Variants in PCDHGB6 observed in about 807,000 individuals in gnomAD.
PCDHGB6 encodes the protein protocadherin gamma-B6.
PCDHGB6 carries 51 observed loss-of-function variants against 59.1 expected under a neutral mutation model. The ratio of observed to expected loss-of-function variants is 0.86; its 90% CI spans 0.69 to 1.09. The LOEUF (loss-of-function observed/expected upper bound fraction) is 1.09. Among genes scored for constraint, PCDHGB6 ranks in the 50% least tolerant of loss-of-function variants. The probability of loss-of-function intolerance (pLI) is 0.00; values close to 1 mark genes in which losing one functional copy is unlikely to be tolerated. For missense variants in PCDHGB6, 1,148 were observed against 1,205.1 expected (o/e 0.95, Z 0.70); for synonymous variants, 466 against 495.1 (o/e 0.94, Z 0.78).
In PCDHGB6 at chr5:141,485,433, A is replaced by G. The variant is rs2099613324; in HGVS notation, c.2419-9374A>G. On this transcript the variant is annotated intron_variant, in intron 1 of 3. Transcript: ENST00000520790. The surrounding 1 kb of genome is among the most constrained non-coding windows in gnomAD (Gnocchi z 5.7). The stretch of plus-strand genomic sequence containing the variant: ...TTGGACAGCGGAGCCCTGCTCATCA[A>G]GAACCCAATCGACCGAGAGGCACTG... 6 of 1,614,208 alleles carry G rather than the reference A, an allele frequency of 3.7e-6. No homozygotes were observed. Among genetic ancestry groups the G allele is most frequent in the Non-Finnish European group, 5.1e-6 (6 of 1,180,030 alleles).
intron 1 of PCDHGB6, chr5:141,415,110 C>A: frequency 6.2e-7 from 1 of 1,613,666 alleles, no homozygotes; most frequent in Middle Eastern, 1.7e-4. Flanking sequence ...TCAAGCAAAG[C>A]CTCGTAGTGG....
intron 1 of PCDHGB6, chr5:141,420,078 C>T (rs764695314): frequency 6.2e-7 from 1 of 1,614,008 alleles, no homozygotes; most frequent in Non-Finnish European, 8.5e-7. Context: ...CCTGTGGGTC[C>T]CCCCAACTAC....
In PCDHGB6 at chr5:141,510,989, C is replaced by A. The variant is rs2099883548; in HGVS notation, c.2609C>A (p.Thr870Asn). The A allele has an allele frequency of 1.2e-6, 2 of 1,614,198 alleles. No homozygotes were observed. The highest frequency in any genetic ancestry group is 1.7e-6 in the Non-Finnish European group (2 of 1,180,022). ...TCCACCCTGGGAGGGGGTGCCGGCA[C>A]CATGGGATTGAGCGCCCGCTACGGA... is the stretch of plus-strand genomic sequence containing the variant. ...GSSTLGGGAG[T>N]MGLSARYGPQ... Residue 870 changes from threonine to asparagine, a missense_variant, in exon 4 of 4, where the codon ACC becomes AAC. Thr to Asn is a moderately conservative substitution (Grantham distance 65, BLOSUM62 0). Transcript: ENST00000520790.
At chr5:141,478,832 G>A in intron 1 of PCDHGB6, 1 of 1,435,464 alleles carries the variant, frequency 7.0e-7, no homozygotes, top group South Asian at 1.5e-5. Context: ...TCTTGCTAAG[G>A]GATGGTTAAG....
chr5:141,428,201 CT>C (rs1332694675), intron 1 of PCDHGB6: 1 of 1,349,696 alleles, frequency 7.4e-7, no homozygotes, highest in South Asian at 1.2e-5. Context: ...CTCTGCGCCG[CT>C]ACGCTTCACC....
rs779725312 is a variant in PCDHGB6, at chr5:141,409,248, T to A, written c.1046T>A (p.Ile349Asn). 1.9e-6 allele frequency: 3 copies of A among 1,614,032 alleles called. No individual in the cohort carries two copies. The highest frequency in any genetic ancestry group is 2.2e-5 in the South Asian group (2 of 91,086). Residue 349 changes from isoleucine (I) to asparagine (N), a missense_variant, in exon 1 of 4, where the codon ATC becomes AAC. This residue lies in a region of PCDHGB6 where 549 missense variants were observed against 527.5 expected (regional missense o/e 1.04). Coordinates refer to ENST00000520790, the MANE Select transcript of PCDHGB6 (RefSeq NM_018926.3). Reference sequence around the variant, plus strand: ...AACGACAACAGCCCAGAAATAATCATCACTTCTCTCTCTGATCAGATTTTG... The same window carrying A: ...AACGACAACAGCCCAGAAATAATCAACACTTCTCTCTCTGATCAGATTTTG... Reference protein sequence around the residue: ...DENDNSPEIIITSLSDQILEN... With the variant: ...DENDNSPEIINTSLSDQILEN...
intron 1 of PCDHGB6, among the ~76,000 whole-genome samples, chr5:141,482,048 G>A (rs375214441): frequency 1.3e-5 from 2 of 150,044 alleles, no homozygotes; most frequent in Non-Finnish European, 2.9e-5. Flanking sequence ...TCATGCTGTT[G>A]CATTCCAGCC....
At chr5:141,450,147 C>T (rs1322871298) in intron 1 of PCDHGB6, among the ~76,000 whole-genome samples, 2 of 151,774 alleles carry the variant, frequency 1.3e-5, no homozygotes, top group African/African-American at 4.8e-5. Context: ...GCTGGGACTA[C>T]AGGCATGTGC....
At chr5:141,430,206 TTATTA>T (rs1267858049) in intron 1 of PCDHGB6, among the ~76,000 whole-genome samples, 2 of 151,984 alleles carry the variant, frequency 1.3e-5, no homozygotes, top group African/African-American at 4.8e-5. Flanking sequence ...AAAGTTTAAA[TTATTA>T]TATTATATGA....
At chr5:141,412,264 CT>C (rs765219351) in intron 1 of PCDHGB6, 4 of 152,206 alleles carry the variant, frequency 2.6e-5, no homozygotes, top group Non-Finnish European at 4.4e-5. Context: ...TTTTCTAAAA[CT>C]TTTAGTACTT....
intron 2 of PCDHGB6, among the ~76,000 whole-genome samples, chr5:141,503,222 G>A (rs540244346): frequency 2.2e-4 from 34 of 152,120 alleles, no homozygotes; most frequent in African/African-American, 7.7e-4. Context: ...CATGAGCACC[G>A]TAAAGATGGA....
At chr5:141,463,412 A>G (rs1397215687) in intron 1 of PCDHGB6, among the ~76,000 whole-genome samples, 9 of 127,856 alleles carry the variant, frequency 7.0e-5, no homozygotes, top group Non-Finnish European at 1.5e-4. Flanking sequence ...TGGAGATCCT[A>G]GTTTGCGGAT....
intron 1 of PCDHGB6, among the ~76,000 whole-genome samples, chr5:141,439,595 G>A (rs752771969): frequency 3.9e-5 from 6 of 152,192 alleles, no homozygotes; most frequent in Non-Finnish European, 5.9e-5. Flanking sequence ...CTGTTGGCCA[G>A]TCTGGAAACA....
At chr5:141,422,611 A>C in intron 1 of PCDHGB6, 3 of 1,613,762 alleles carry the variant, frequency 1.9e-6, no homozygotes, top group Non-Finnish European at 2.5e-6. Flanking sequence ...CTCTGCCTAC[A>C]TTCCCGAAAA....
At chr5:141,499,397 T>A (rs1171838687) in intron 2 of PCDHGB6, among the ~76,000 whole-genome samples, 2 of 152,122 alleles carry the variant, frequency 1.3e-5, no homozygotes, top group African/African-American at 4.8e-5. Flanking sequence ...AAATAGTACA[T>A]GCTCATTATA....
Position 141,487,532 on chromosome 5 carries a change from A to C in PCDHGB6, c.2419-7275A>C. 6.2e-7 allele frequency: 1 copy of C among 1,614,158 alleles called. No homozygotes were observed. Among genetic ancestry groups the C allele is most frequent in the Non-Finnish European group, 8.5e-7 (1 of 1,180,022 alleles). On this transcript the variant is annotated intron_variant, in intron 1 of 3. Transcript: ENST00000520790. This position sits in a 1 kb window ranked among gnomAD's most constrained non-coding sequence, Gnocchi z 5.0. Reference sequence around the variant, plus strand: ...ACCCACTCGGAGTGATAGCTTCATGATGGTGAAGTCACCCAGTGCACCTAT... The same window carrying C: ...ACCCACTCGGAGTGATAGCTTCATGCTGGTGAAGTCACCCAGTGCACCTAT...
At chr5:141,502,139 C>G (rs923501238) in intron 2 of PCDHGB6, among the ~76,000 whole-genome samples, 1 of 152,104 alleles carries the variant, frequency 6.6e-6, no homozygotes, top group Non-Finnish European at 1.5e-5. Flanking sequence ...TCAGTCGGGC[C>G]GGAAGTAAGG....
intron 1 of PCDHGB6, among the ~76,000 whole-genome samples, chr5:141,453,864 G>A (rs758778743): frequency 2.6e-5 from 4 of 152,192 alleles, no homozygotes; most frequent in Non-Finnish European, 5.9e-5. Context: ...GAAAATAACA[G>A]ATGAGCAAAA....
rs756466649 is a variant in PCDHGB6, at chr5:141,495,663, G to A, written c.2477+798G>A. 1.1e-3 allele frequency among the ~76,000 whole-genome samples: 169 copies of A among 152,164 alleles called. 3 individuals are homozygous for A. The highest frequency in any genetic ancestry group is 1.9e-3 in the Admixed American group (29 of 15,272). ...TTGTCTACTTGCATTGATCTGTGCCGCCCACTGTGCCTGCCATGGCATAAG... is the reference window on the plus strand; with the variant it reads ...TTGTCTACTTGCATTGATCTGTGCCACCCACTGTGCCTGCCATGGCATAAG... On this transcript the variant is annotated intron_variant, in intron 2 of 3. Coordinates refer to ENST00000520790, the MANE Select transcript of PCDHGB6 (RefSeq NM_018926.3).
Sources: gnomAD v4.1 joint callset for allele counts (sites outside exome capture counted in the v4.1 genomes callset) on GRCh38, gnomAD v4.1.1 for gene constraint, gnomAD v4.1.1 regional missense constraint, Gnocchi (gnomAD v3.1) non-coding constraint, MANE v1.5 for transcripts, NCBI Gene and HGNC (gene_info 2026-07-23, HGNC 2026-07-21) for gene names.